WDFY3: variants seen among roughly 807,000 people sequenced by gnomAD.
WDFY3 encodes WD repeat and FYVE domain containing 3, also known as WD repeat and FYVE domain-containing protein 3.
Under a neutral mutation model 409.6 loss-of-function variants are expected in WDFY3, and 66 were observed. The ratio of observed to expected loss-of-function variants is 0.16; its 90% confidence interval spans 0.13 to 0.20. WDFY3 has a LOEUF of 0.20. WDFY3 is among the 10% of genes least tolerant of loss of function. WDFY3 has a pLI of 1.00. For synonymous variants in WDFY3, 1,521 were observed against 1,537.1 expected, an observed-to-expected ratio of 0.99 and a Z score of 0.25; for missense variants, 3,031 against 4,298.1, an observed-to-expected ratio of 0.71 and a Z score of 8.24.
In WDFY3 at chr4:84,740,201, A is replaced by G; in HGVS notation, c.6450T>C (p.Asn2150=). The G allele has an allele frequency of 2.5e-6, 4 of 1,614,152 alleles. No individual in the cohort carries two copies. Among genetic ancestry groups the G allele is most frequent in the Non-Finnish European group, 3.4e-6 (4 of 1,180,014 alleles). Residue 2150 remains asparagine, a synonymous_variant, in exon 39 of 68, where the codon AAT becomes AAC. Coordinates refer to ENST00000295888, the MANE Select transcript of WDFY3 (RefSeq NM_014991.6). ...AAAGGATTTACCTTCCAACATGTAGATTTATCAAGCAGTGGGCCAGACAGC... is the reference window on the plus strand; with the variant it reads ...AAAGGATTTACCTTCCAACATGTAGGTTTATCAAGCAGTGGGCCAGACAGC... ...FISCLAHCLI[N]LHVGSNVDGF...
intron 58 of WDFY3, among the ~76,000 whole-genome samples, chr4:84,693,429 C>T (rs543015803): frequency 2.0e-5 from 3 of 152,116 alleles, no homozygotes; most frequent in Admixed American, 6.6e-5. Flanking sequence ...TGGATTATTT[C>T]TGGTTTCAAT....
At chr4:84,924,651 G>T (rs957890149) in intron 2 of WDFY3, among the ~76,000 whole-genome samples, 2 of 152,190 alleles carry the variant, frequency 1.3e-5, no homozygotes, top group African/African-American at 4.8e-5. Flanking sequence ...AGGTCTGTCT[G>T]CCTTATACTC....
At chr4:84,769,953 G>GA (rs924067178) in intron 30 of WDFY3, among the ~76,000 whole-genome samples, 2 of 151,544 alleles carry the variant, frequency 1.3e-5, no homozygotes, top group African/African-American at 4.8e-5. Flanking sequence ...CCCTCCACCA[G>GA]AAAAAATTAC....
At position 84,809,905 on chromosome 4, in the gene WDFY3, G is replaced by A. The variant is rs1294325063; in HGVS notation, c.2327C>T (p.Ala776Val). ...GCCATACCTGTCAAAAGAATCTGTG[G>A]CTACTTTGTAAAGATAAATAAAAAG... ...SKLFIYLYKV[A>V]TDSFDSRAEQ... The change falls in exon 14 of 68, where the codon GCC (alanine) becomes GTC (valine). Residue 776 changes from alanine (A) to valine (V), a missense_variant. Physicochemically the swap from Ala to Val is moderately conservative, Grantham distance 64. This residue lies in a region of WDFY3 where 1,322 missense variants were observed against 1,697.9 expected (regional missense o/e 0.78). Coordinates refer to ENST00000295888, the MANE Select transcript of WDFY3 (RefSeq NM_014991.6). 6.2e-7 allele frequency: 1 copy of A among 1,613,930 alleles called. No homozygotes were observed. Among genetic ancestry groups the A allele is most frequent in the East Asian group, 2.2e-5 (1 of 44,872 alleles).
chr4:84,675,184 G>C (rs1726064570), intron 67 of WDFY3, among the ~76,000 whole-genome samples: 1 of 151,966 alleles, frequency 6.6e-6, no homozygotes, highest in Admixed American at 6.5e-5. Flanking sequence ...TCGAACTCCT[G>C]ACCTCAGGTG....
chr4:84,705,160 G>A (rs1215388411), intron 54 of WDFY3, among the ~76,000 whole-genome samples: 1 of 152,182 alleles, frequency 6.6e-6, no homozygotes, highest in Non-Finnish European at 1.5e-5. Flanking sequence ...GGAATACTTA[G>A]TTTTCCACCA....
At chr4:84,808,706 A>G (rs1437596115) in intron 14 of WDFY3, among the ~76,000 whole-genome samples, 1 of 152,220 alleles carries the variant, frequency 6.6e-6, no homozygotes, top group Non-Finnish European at 1.5e-5. Context: ...TCTAACTAGG[A>G]TAAGTAGAAA....
intron 36 of WDFY3, among the ~76,000 whole-genome samples, chr4:84,744,435 T>C (rs1447178282): frequency 1.3e-5 from 2 of 152,088 alleles, no homozygotes; most frequent in African/African-American, 4.8e-5. Context: ...AAGCTTTTTA[T>C]TGTCTATAAA....
intron 18 of WDFY3, among the ~76,000 whole-genome samples, chr4:84,797,716 G>C (rs1360821597): frequency 6.6e-6 from 1 of 151,940 alleles, no homozygotes; most frequent in Non-Finnish European, 1.5e-5. Context: ...GAGTAGCTGG[G>C]ACTACAGGCG....
chr4:84,688,773 A>G (rs1426390363), intron 61 of WDFY3, among the ~76,000 whole-genome samples: 2 of 152,170 alleles, frequency 1.3e-5, no homozygotes, highest in East Asian at 1.9e-4. Flanking sequence ...GGTCTACAAT[A>G]GACAAAGCGA....
At chr4:84,910,547 A>AAGACTATTCAATGGAGG (rs1352048978) in intron 2 of WDFY3, among the ~76,000 whole-genome samples, 1 of 152,172 alleles carries the variant, frequency 6.6e-6, no homozygotes, top group African/African-American at 2.4e-5. Flanking sequence ...CAAGAGAGCC[A>AAGACTATTCAATGGAGG]AGACTATTCA....
intron 55 of WDFY3, among the ~76,000 whole-genome samples, chr4:84,703,654 G>A (rs1480093277): frequency 6.6e-6 from 1 of 152,124 alleles, no homozygotes; most frequent in South Asian, 2.1e-4. Flanking sequence ...CGTATCTCCA[G>A]ATGTCTGCAG....
rs184650535 is a variant in WDFY3 at position 84,865,403 on chromosome 4, T to G, written c.-31-4781A>C. On this transcript the variant is annotated intron_variant, in intron 3 of 67. Coordinates refer to ENST00000295888, the MANE Select transcript of WDFY3 (RefSeq NM_014991.6). ...CTCAACTAGGCTTGGCTTTTAGCCT[T>G]CAGTGTTTGTCTCTACATTGTCCAA... Among the ~76,000 whole-genome samples the G allele has an allele frequency of 4.6e-5, 7 of 152,344 alleles. No homozygotes were observed. In the East Asian group the frequency reaches 1.2e-3, roughly 25 times the overall value.
intron 1 of WDFY3, among the ~76,000 whole-genome samples, chr4:84,959,614 C>A (rs1344656702): frequency 6.6e-6 from 1 of 152,164 alleles, no homozygotes; most frequent in East Asian, 1.9e-4. Flanking sequence ...AGTGACAGAA[C>A]AGGTGCTAAC....
intron 57 of WDFY3, 90 bp from the exon 58 acceptor site, chr4:84,696,272 T>C: frequency 8.6e-7 from 1 of 1,162,510 alleles, no homozygotes; most frequent in Non-Finnish European, 1.2e-6. Context: ...TAATAGGAAC[T>C]AAAATAACTA....
At chr4:84,789,626 C>T in intron 22 of WDFY3, 100 bp downstream of exon 22, 2 of 1,202,688 alleles carry the variant, frequency 1.7e-6, no homozygotes, top group Non-Finnish European at 2.3e-6. Context: ...TTAAAAATAT[C>T]CCTGTAACAC....
intron 30 of WDFY3, among the ~76,000 whole-genome samples, chr4:84,770,432 G>T (rs1744474923): frequency 6.6e-6 from 1 of 152,174 alleles, no homozygotes; most frequent in African/African-American, 2.4e-5. Context: ...AAAAATTTAT[G>T]TGACTCACTT....
At chr4:84,955,574 A>G (rs1348685608) in intron 1 of WDFY3, among the ~76,000 whole-genome samples, 1 of 152,200 alleles carries the variant, frequency 6.6e-6, no homozygotes, top group Non-Finnish European at 1.5e-5. Context: ...TAAAATATAA[A>G]TCAGTTATTG....
At chr4:84,877,226 C>G (rs565786910) in intron 3 of WDFY3, among the ~76,000 whole-genome samples, 2 of 152,200 alleles carry the variant, frequency 1.3e-5, no homozygotes, top group African/African-American at 2.4e-5. Context: ...TCTGCCTGCA[C>G]GCACCCTGAG....
Sources: allele counts gnomAD v4.1 joint callset (sites outside exome capture counted in the v4.1 genomes callset), GRCh38; gene constraint gnomAD v4.1.1; regional missense constraint gnomAD v4.1.1; transcripts MANE v1.5; gene names NCBI Gene and HGNC (gene_info 2026-07-23, HGNC 2026-07-21).